Variants in TTC39B observed in about 807,000 individuals in gnomAD.
The protein encoded by TTC39B is tetratricopeptide repeat protein 39B.
In TTC39B, 92 loss-of-function variants were observed where a neutral mutation model predicts 96.6. The ratio of observed to expected loss-of-function variants is 0.95; its 90% confidence interval spans 0.80 to 1.13. TTC39B has a LOEUF of 1.13. Among genes scored for constraint, TTC39B ranks in the 50% most tolerant of loss-of-function variants. The pLI, the probability that TTC39B is intolerant of heterozygous loss-of-function variation, is 0.00. For missense variants in TTC39B, 955 were observed against 809.3 expected (o/e 1.18, Z -2.18); for synonymous variants, 367 against 299.4 (o/e 1.23, Z -2.33).
chr9:15,228,767 A>C (rs953640652), intron 2 of TTC39B, among the ~76,000 whole-genome samples: 1 of 152,238 alleles, frequency 6.6e-6, no homozygotes, highest in Admixed American at 6.5e-5. Context: ...ACTAGTTAAA[A>C]TATTACTGTG....
At chr9:15,190,661 T>A in exon 11 of TTC39B, 2 of 1,612,364 alleles carry the variant, frequency 1.2e-6, no homozygotes, top group Non-Finnish European at 1.7e-6. Flanking sequence ...GAGGCCCAAC[T>A]CCTATGGGAA....
At chr9:15,268,804 C>G (rs183155161) in intron 1 of TTC39B, among the ~76,000 whole-genome samples, 1 of 152,328 alleles carries the variant, frequency 6.6e-6, no homozygotes, top group Non-Finnish European at 1.5e-5. Flanking sequence ...CCATTCAATT[C>G]TTCACATGAC....
chr9:15,221,621 G>A (rs760757025), intron 3 of TTC39B, among the ~76,000 whole-genome samples: 31 of 152,078 alleles, frequency 2.0e-4, no homozygotes, highest in African/African-American at 3.6e-4. Flanking sequence ...GGGTCTCTGC[G>A]TCTAGGCCCT....
chr9:15,294,730 G>C (rs1164195879), intron 1 of TTC39B, among the ~76,000 whole-genome samples: 5 of 152,142 alleles, frequency 3.3e-5, no homozygotes, highest in Non-Finnish European at 5.9e-5. Context: ...TATCCTACAG[G>C]ACTCCATCAC....
intron 9 of TTC39B, among the ~76,000 whole-genome samples, chr9:15,191,803 T>C (rs1564328737): frequency 6.6e-6 from 1 of 152,196 alleles, no homozygotes; most frequent in Non-Finnish European, 1.5e-5. Flanking sequence ...TCAGGGGATG[T>C]AGACAATGGT....
intron 7 of TTC39B, among the ~76,000 whole-genome samples, chr9:15,202,161 C>A (rs1476193665): frequency 2.6e-5 from 4 of 152,106 alleles, no homozygotes; most frequent in African/African-American, 7.2e-5. Flanking sequence ...AATTTCAAAT[C>A]CCCAAATATA....
chr9:15,277,947 C>A (rs747828449), intron 1 of TTC39B, among the ~76,000 whole-genome samples: 3 of 152,172 alleles, frequency 2.0e-5, no homozygotes, highest in Non-Finnish European at 4.4e-5. Context: ...TTCCAACAAC[C>A]AGCCAAGCAC....
chr9:15,304,744 A>C (rs1452806925), intron 1 of TTC39B, among the ~76,000 whole-genome samples: 1 of 151,600 alleles, frequency 6.6e-6, no homozygotes, highest in African/African-American at 2.4e-5. Context: ...CCTTCTTCAG[A>C]TAAGGGAACT....
At chr9:15,203,706 G>C in intron 7 of TTC39B, 117 bp downstream of exon 7, 4 of 730,848 alleles carry the variant, frequency 5.5e-6, no homozygotes, top group South Asian at 4.9e-5. Flanking sequence ...ACAAATATTT[G>C]CCATTACAAC....
chr9:15,297,458 C>G (rs1266443503), intron 1 of TTC39B, among the ~76,000 whole-genome samples: 1 of 152,178 alleles, frequency 6.6e-6, no homozygotes, highest in Non-Finnish European at 1.5e-5. Flanking sequence ...GGGCAGCAGG[C>G]AGGAGAGAGA....
chr9:15,197,081 T>C lies in TTC39B; in HGVS notation c.824+2780A>G, dbSNP rs78269796. Among the ~76,000 whole-genome samples the C allele has an allele frequency of 1.0e-3, 157 of 152,342 alleles. 1 individual carries two copies. In the East Asian group the frequency reaches 0.029, roughly 29 times the overall value. On this transcript the variant is annotated intron_variant, in intron 8 of 19. Transcript: ENST00000512701. ...GTATATTTTTTAGACATAATGGTAT[T>C]GGCAGACTTAACAGAATACAGTACA...
chr9:15,201,065 C>T (rs150751540), intron 7 of TTC39B, among the ~76,000 whole-genome samples: 3 of 152,084 alleles, frequency 2.0e-5, no homozygotes, highest in African/African-American at 7.2e-5. Context: ...ACTTAAGCAT[C>T]CTTCTGTAGC....
At chr9:15,273,591 A>G (rs1563780006) in intron 1 of TTC39B, among the ~76,000 whole-genome samples, 4 of 151,974 alleles carry the variant, frequency 2.6e-5, no homozygotes, top group Admixed American at 6.6e-5. Flanking sequence ...TCATTTAACC[A>G]CCGCACTTTA....
chr9:15,276,956 T>G (rs1286576091), intron 1 of TTC39B, among the ~76,000 whole-genome samples: 1 of 152,226 alleles, frequency 6.6e-6, no homozygotes, highest in African/African-American at 2.4e-5. Context: ...CTATACTTCC[T>G]CAACAACTCT....
At chr9:15,296,645 C>G (rs1824388939) in intron 1 of TTC39B, among the ~76,000 whole-genome samples, 1 of 152,274 alleles carries the variant, frequency 6.6e-6, no homozygotes, top group East Asian at 1.9e-4. Context: ...CAGGCATATG[C>G]CACCATGCCC....
intron 10 of TTC39B, 141 bp from the exon 11 acceptor site, chr9:15,190,803 T>G: frequency 7.1e-6 from 5 of 706,730 alleles, no homozygotes; most frequent in South Asian, 3.6e-5. Flanking sequence ...GGGCTTTTAG[T>G]GTCCCTATCA....
In TTC39B at chr9:15,213,589, G is replaced by T. The variant is rs928317378; in HGVS notation, c.482+550C>A. Among the ~76,000 whole-genome samples, 4 of 152,144 alleles carry T rather than the reference G, an allele frequency of 2.6e-5. No homozygotes were observed. In the East Asian group the frequency reaches 7.7e-4, roughly 29 times the overall value. ...GCTTCATCTAAGCAAGTGTTTGAGG[G>T]CACAATGTACGATTATTCTTGTCAA... On this transcript the variant is annotated intron_variant, in intron 4 of 19. Transcript: ENST00000512701.
intron 14 of TTC39B, 138 bp from the exon 15 acceptor site, chr9:15,187,173 A>G: frequency 1.7e-6 from 1 of 594,500 alleles, no homozygotes; most frequent in South Asian, 2.7e-5. Flanking sequence ...GAAATCTTAT[A>G]TTCCCTGTTC....
At chr9:15,216,152 A>T (rs931289131) in intron 3 of TTC39B, among the ~76,000 whole-genome samples, 1 of 152,088 alleles carries the variant, frequency 6.6e-6, no homozygotes. Context: ...TTCTCCCACC[A>T]TTATTACCAT....
Sources: allele counts gnomAD v4.1 joint callset (sites outside exome capture counted in the v4.1 genomes callset), GRCh38; gene constraint gnomAD v4.1.1; transcripts MANE v1.5; gene names NCBI Gene and HGNC (gene_info 2026-07-23, HGNC 2026-07-21).